The following PRPF18 variants were observed in gnomAD, a reference collection of about 807,000 sequenced individuals.
The protein encoded by PRPF18 is pre-mRNA-splicing factor 18.
PRPF18 carries 38 observed loss-of-function variants against 46.5 expected under a neutral mutation model. The ratio of observed to expected loss-of-function variants is 0.82; its 90% confidence interval spans 0.63 to 1.07. PRPF18 has a LOEUF of 1.07. Among genes scored for constraint, PRPF18 ranks in the 50% least tolerant of loss-of-function variants. The pLI is 0.00. For missense variants in PRPF18, 263 were observed against 410.0 expected (o/e 0.64, Z 3.10); for synonymous variants, 152 against 146.7 (o/e 1.04, Z -0.26).
At chr10:13,613,639 C>A in intron 6 of PRPF18, 102 bp from the exon 7 acceptor site, 1 of 1,247,016 alleles carries the variant, frequency 8.0e-7, no homozygotes, top group Non-Finnish European at 1.1e-6. Context: ...AAGACATTTA[C>A]TTTAAGGATG....
intron 1 of PRPF18, among the ~76,000 whole-genome samples, chr10:13,589,052 C>A (rs1192928836): frequency 6.6e-6 from 1 of 152,234 alleles, no homozygotes; most frequent in African/African-American, 2.4e-5. Flanking sequence ...AAGATCACTT[C>A]ATTTAATATC....
rs187998128 is a variant in PRPF18 at position 13,608,264 on chromosome 10, G to A, written c.364-1775G>A. Among the ~76,000 whole-genome samples, 9 of 152,304 alleles carry A rather than the reference G, an allele frequency of 5.9e-5. No individual in the cohort carries two copies. The South Asian group carries it at 8.3e-4, about 14-fold the overall frequency. On this transcript the variant is annotated intron_variant, in intron 4 of 9. Transcript: ENST00000378572. ...GTGATTGCAGTCAGATGAAGGCTGC[G>A]GCCGAAATCATGTGAGGCTGCCTCT...
chr10:13,613,626 A>G (rs2080301930), intron 6 of PRPF18, 115 bp from the exon 7 acceptor site: 1 of 1,154,974 alleles, frequency 8.7e-7, no homozygotes, highest in Non-Finnish European at 1.2e-6. Context: ...TGGCATTTTA[A>G]TCAAGACATT....
the PRPF18 span, chr10:13,644,414 G>T: frequency 6.6e-6 from 1 of 152,208 alleles, no homozygotes; most frequent in African/African-American, 2.4e-5. Flanking sequence ...TGTACATTTT[G>T]TATTAACTGA....
chr10:13,619,735 C>CT (rs2080396748), intron 9 of PRPF18, among the ~76,000 whole-genome samples: 1 of 151,950 alleles, frequency 6.6e-6, no homozygotes, highest in African/African-American at 2.4e-5. Flanking sequence ...GTCAGTGATG[C>CT]TTGGCCTCTC....
intron 9 of PRPF18, among the ~76,000 whole-genome samples, chr10:13,618,763 G>C (rs2080383201): frequency 6.6e-6 from 1 of 151,856 alleles, no homozygotes; most frequent in South Asian, 2.1e-4. Flanking sequence ...CTAGAATCTA[G>C]AACAATATCT....
the PRPF18 span, chr10:13,644,048 T>A: frequency 6.6e-6 from 1 of 152,660 alleles, no homozygotes; most frequent in Non-Finnish European, 1.5e-5. Context: ...GGTCATCTGA[T>A]AGCACCTGGA....
At chr10:13,652,013 TCATGTTA>T in the PRPF18 span, 1 of 1,094,280 alleles carries the variant, frequency 9.1e-7, no homozygotes, top group Non-Finnish European at 1.4e-6. Flanking sequence ...AGAAGAGAGG[TCATGTTA>T]CAGAGAGACA....
chr10:13,589,888 A>C (rs924285913), intron 1 of PRPF18, among the ~76,000 whole-genome samples: 1 of 152,126 alleles, frequency 6.6e-6, no homozygotes, highest in Non-Finnish European at 1.5e-5. Flanking sequence ...TCATATTTGT[A>C]AATGTTTTTA....
At chr10:13,627,151 A>G (rs11258484) in intron 9 of PRPF18, among the ~76,000 whole-genome samples, 59,655 of 152,044 alleles carry the variant, frequency 0.39, 12,305 homozygotes, top group East Asian at 0.79. Flanking sequence ...CACAGAGTCC[A>G]AGCCAAAGTC....
Position 13,613,856 on chromosome 10 carries a change from C to A in PRPF18, c.695C>A (p.Pro232Gln). The change falls in exon 7 of 10, where the codon CCA becomes CAA. Residue 232 changes from proline to glutamine, a missense_variant. Around this residue, in one of 4 missense-constraint regions of PRPF18, gnomAD observed 155 missense variants for 245.1 expected, o/e 0.63. Coordinates refer to ENST00000378572, the MANE Select transcript of PRPF18 (RefSeq NM_003675.4). The part of the protein sequence containing the change: ...TQKQTESYLR[P>Q]LFRKLRKRNL... ...AAACAGACCGAGTCCTACCTAAGAC[C>A]ACTTTTTAGAAAGCTACGGAAAAGG... 6.2e-7 allele frequency: 1 copy of A among 1,611,394 alleles called. No individual in the cohort carries two copies. Among genetic ancestry groups the A allele is most frequent in the Non-Finnish European group, 8.5e-7 (1 of 1,179,352 alleles).
Position 13,630,313 on chromosome 10 carries a change from C to A in PRPF18, c.1002C>A (p.Ser334=), listed in dbSNP as rs754014779. 44 of 1,611,684 alleles carry A rather than the reference C, an allele frequency of 2.7e-5. No individual in the cohort carries two copies. In the Middle Eastern group the frequency reaches 5.0e-4, roughly 18 times the overall value. Residue 334 remains serine, a synonymous_variant, in exon 10 of 10, where the codon TCC becomes TCA. Transcript: ENST00000378572. ...ICQKHFPTDP[S]KCVEYNAL ...AGAAACACTTTCCTACAGACCCATC[C>A]AAATGTGTGGAGTACAATGCACTGT...
intron 9 of PRPF18, among the ~76,000 whole-genome samples, chr10:13,627,291 G>A (rs78564711): frequency 0.012 from 1,878 of 152,086 alleles, 42 homozygotes; most frequent in African/African-American, 0.043. Flanking sequence ...ACCACAATTC[G>A]ATCTCAGGAG....
intron 9 of PRPF18, among the ~76,000 whole-genome samples, chr10:13,629,182 G>T (rs1232023538): frequency 6.6e-6 from 1 of 152,226 alleles, no homozygotes; most frequent in African/African-American, 2.4e-5. Flanking sequence ...CTTGAATTTT[G>T]TGAGATCGGT....
At chr10:13,620,371 G>C (rs117998045) in intron 9 of PRPF18, among the ~76,000 whole-genome samples, 4,457 of 152,326 alleles carry the variant, frequency 0.029, 95 homozygotes, top group Non-Finnish European at 0.045. Flanking sequence ...TGTTGGCCGA[G>C]GAGGTAATTA....
intron 3 of PRPF18, among the ~76,000 whole-genome samples, chr10:13,604,161 A>G (rs1038645323): frequency 3.3e-5 from 5 of 152,234 alleles, no homozygotes; most frequent in African/African-American, 1.2e-4. Context: ...GATTGGAGAT[A>G]GCACTAGATG....
At chr10:13,593,938 A>G (rs566928610) in intron 1 of PRPF18, among the ~76,000 whole-genome samples, 1 of 152,184 alleles carries the variant, frequency 6.6e-6, no homozygotes, top group South Asian at 2.1e-4. Context: ...ATGGGTAAAT[A>G]CCCCAGGACC....
the PRPF18 span, chr10:13,644,416 A>G: frequency 6.6e-6 from 1 of 152,238 alleles, no homozygotes; most frequent in Admixed American, 6.5e-5. Flanking sequence ...TACATTTTGT[A>G]TTAACTGAAC....
At chr10:13,636,277 CCAGGTGTGGTGGCGCG>C in the PRPF18 span, among the ~76,000 whole-genome samples, 1 of 152,240 alleles carries the variant, frequency 6.6e-6, no homozygotes, top group South Asian at 2.1e-4. Flanking sequence ...CAAAAATTAG[CCAGGTGTGGTGGCGCG>C]CACGTGTAGT....
Sources: gnomAD v4.1 joint callset for allele counts (sites outside exome capture counted in the v4.1 genomes callset) on GRCh38, gnomAD v4.1.1 for gene constraint, gnomAD v4.1.1 regional missense constraint, MANE v1.5 for transcripts, NCBI Gene and HGNC (gene_info 2026-07-23, HGNC 2026-07-21) for gene names.